Variants in PAK3 observed in about 807,000 individuals in gnomAD.
PAK3 encodes the protein serine/threonine-protein kinase PAK 3.
In PAK3, 4 loss-of-function variants were observed where a neutral mutation model predicts 41.0. The observed-to-expected ratio is 0.10, with a 90% CI of 0.05 to 0.22. The LOEUF is 0.22. PAK3 is among the 10% of genes least tolerant of loss of function. The probability of loss-of-function intolerance (pLI) is 1.00; values close to 1 mark genes in which losing one functional copy is unlikely to be tolerated. For synonymous variants in PAK3, 146 were observed against 139.6 expected (o/e 1.05, Z -0.32); for missense variants, 205 against 409.9 (o/e 0.50, Z 4.32).
At chrX:111,052,862 C>A (rs900479092) in intron 1 of PAK3, among the ~76,000 whole-genome samples, 1 of 112,046 alleles carries the variant, frequency 8.9e-6, no homozygotes, top group African/African-American at 3.2e-5. Flanking sequence ...CTGCCATACC[C>A]CTTTAACCAT....
At chrX:111,171,173 A>G (rs187974650) in intron 10 of PAK3, among the ~76,000 whole-genome samples, 1 of 111,549 alleles carries the variant, frequency 9.0e-6, no homozygotes, top group Non-Finnish European at 1.9e-5. Context: ...AGCAGTGGCC[A>G]TGGGCATAGA....
chrX:111,010,743 G>T (rs1028392080), intron 1 of PAK3, among the ~76,000 whole-genome samples: 3 of 111,861 alleles, frequency 2.7e-5, no homozygotes, highest in Admixed American at 9.5e-5. Context: ...TTGGTGCCAT[G>T]CTTGTACAGC....
intron 1 of PAK3, among the ~76,000 whole-genome samples, chrX:111,087,747 G>T (rs2092899636): frequency 2.2e-5 from 1 of 45,383 alleles, no homozygotes. Flanking sequence ...TCAGGACAGG[G>T]ACTGCAAAAA....
intron 11 of PAK3, among the ~76,000 whole-genome samples, chrX:111,181,460 C>T (rs910485020): frequency 1.3e-4 from 14 of 110,981 alleles, no homozygotes; most frequent in African/African-American, 4.2e-4. Flanking sequence ...CTAGCTCATG[C>T]GTAATCAAGC....
chrX:111,160,030 G>A (rs970655486), intron 8 of PAK3, among the ~76,000 whole-genome samples: 14 of 111,755 alleles, frequency 1.3e-4, no homozygotes, highest in African/African-American at 3.6e-4. Flanking sequence ...GTCCTTTGAT[G>A]TAATGGTCTA....
intron 10 of PAK3, among the ~76,000 whole-genome samples, chrX:111,172,411 G>A (rs978810180): frequency 9.0e-6 from 1 of 111,520 alleles, no homozygotes; most frequent in Non-Finnish European, 1.9e-5. Context: ...TGGGTAAATT[G>A]TGTGATGCTG....
chrX:111,203,779 T>C (rs1481913107), intron 16 of PAK3, among the ~76,000 whole-genome samples: 1 of 111,967 alleles, frequency 8.9e-6, no homozygotes, highest in African/African-American at 3.2e-5. Flanking sequence ...TTGCTGTGGA[T>C]TGGAATGTCT....
At chrX:111,180,631 A>G (rs2094453671) in intron 11 of PAK3, among the ~76,000 whole-genome samples, 1 of 111,751 alleles carries the variant, frequency 8.9e-6, no homozygotes, top group Admixed American at 9.5e-5. Flanking sequence ...ATTTCTGTGC[A>G]TGCATGTATG....
intron 5 of PAK3, among the ~76,000 whole-genome samples, chrX:111,141,559 T>C (rs1223503778): frequency 6.2e-5 from 7 of 112,219 alleles, no homozygotes; most frequent in Admixed American, 1.9e-4. Context: ...ACATAATTGA[T>C]TTGCAGTGGT....
chrX:111,196,329 A>T, intron 15 of PAK3, 115 bp from the exon 16 acceptor site: 1 of 593,938 alleles, frequency 1.7e-6, no homozygotes, highest in Non-Finnish European at 2.9e-6. Context: ...GGTATGAGCT[A>T]GGCAGTTGTG....
At chrX:111,108,573 G>A (rs1329117804) in intron 4 of PAK3, among the ~76,000 whole-genome samples, 3 of 112,456 alleles carry the variant, frequency 2.7e-5, no homozygotes, top group Non-Finnish European at 5.6e-5. Context: ...GCACAGGCAA[G>A]GGATCTAGGT....
At chrX:111,209,167 T>G (rs1173584936) in intron 16 of PAK3, among the ~76,000 whole-genome samples, 4 of 111,109 alleles carry the variant, frequency 3.6e-5, no homozygotes, top group African/African-American at 9.8e-5. Context: ...CTGCCTTTTC[T>G]AGGAGCACTC....
At chrX:111,188,580 A>G (rs939371446) in intron 11 of PAK3, among the ~76,000 whole-genome samples, 7 of 112,124 alleles carry the variant, frequency 6.2e-5, no homozygotes, top group Non-Finnish European at 1.3e-4. Flanking sequence ...CCTTTTGGAA[A>G]TAGGGGCAGA....
intron 11 of PAK3, among the ~76,000 whole-genome samples, chrX:111,180,006 C>T (rs1031298160): frequency 4.4e-4 from 49 of 111,024 alleles, no homozygotes; most frequent in African/African-American, 1.5e-3. Context: ...GATCCACCCA[C>T]CTCAGCCTCC....
In PAK3 at chrX:110,968,723, G is replaced by A. The variant is rs2091132859; in HGVS notation, c.-28+24095G>A. 1.8e-5 allele frequency among the ~76,000 whole-genome samples: 2 copies of A among 111,395 alleles called. 1 individual carries two copies. Among genetic ancestry groups the A allele is most frequent in the Admixed American group, 1.9e-4 (2 of 10,486 alleles). On this transcript the variant is annotated intron_variant, in intron 1 of 14. Coordinates refer to the PAK3 transcript ENST00000425146. ...AGTTTTTAAAAATATATTCCAGATA[G>A]CAGTCCTTTGTTAGATGCATGATTT...
intron 1 of PAK3, among the ~76,000 whole-genome samples, chrX:111,063,219 G>A (rs1044884457): frequency 3.6e-5 from 4 of 112,308 alleles, no homozygotes; most frequent in Non-Finnish European, 5.6e-5. Flanking sequence ...CTCACTTGCT[G>A]TGTGAGTTGG....
chrX:111,154,021 T>A (rs1318233119), intron 8 of PAK3, among the ~76,000 whole-genome samples: 1 of 112,026 alleles, frequency 8.9e-6, no homozygotes, highest in African/African-American at 3.2e-5. Flanking sequence ...AACATTATGC[T>A]AAGTGAAATA....
chrX:111,104,955 T>C (rs985023941), intron 4 of PAK3, among the ~76,000 whole-genome samples: 3 of 111,258 alleles, frequency 2.7e-5, no homozygotes, highest in Non-Finnish European at 3.8e-5. Context: ...CAAAGTTATT[T>C]TGGTATCTTT....
intron 17 of PAK3, chrX:111,217,217 G>C (rs767485375): frequency 5.6e-6 from 1 of 178,111 alleles, no homozygotes; most frequent in African/African-American, 3.1e-5. Context: ...CTCTTGAAGG[G>C]CAGAGCTGGG....
Sources: allele counts gnomAD v4.1 joint callset (sites outside exome capture counted in the v4.1 genomes callset), GRCh38; gene constraint gnomAD v4.1.1; transcripts MANE v1.5; gene names NCBI Gene and HGNC (gene_info 2026-07-23, HGNC 2026-07-21).